Variants in PDE1B observed in about 807,000 individuals in gnomAD.
PDE1B encodes the protein phosphodiesterase 1B.
In PDE1B, 13 loss-of-function variants were observed where a neutral mutation model predicts 66.7. The observed-to-expected ratio is 0.19, with a 90% CI of 0.13 to 0.31. The LOEUF is 0.31. Ranked by LOEUF, PDE1B falls within the 10% of genes least tolerant of loss-of-function variation. The pLI is 1.00. For missense variants in PDE1B, 485 were observed against 682.3 expected (o/e 0.71, Z 3.22); for synonymous variants, 230 against 253.9 (o/e 0.91, Z 0.90).
chr12:54,567,067 C>G lies in PDE1B; in HGVS notation c.207C>G (p.Ala69=). 6.3e-7 allele frequency: 1 copy of G among 1,588,972 alleles called. No individual in the cohort carries two copies. Among genetic ancestry groups the G allele is most frequent in the Non-Finnish European group, 8.6e-7 (1 of 1,159,080 alleles). The change falls in exon 3 of 16, where the codon GCC becomes GCG. Residue 69 remains alanine, a synonymous_variant. Transcript: ENST00000243052. ...AGTACACAGCTTCTCTGCTGGAAGC[C>G]GTCTACATAGATGAGACACGGTGAG... is the stretch of plus-strand genomic sequence containing the variant. ...NLEYTASLLE[A]VYIDETRQIL...
At position 54,577,637 on chromosome 12, in the gene PDE1B, G is replaced by T. The variant is rs546836097; in HGVS notation, c.*18-223G>T. ...TAACCTGCACCGCACCTTAGGGAGGGTTAGGGAAAAGGAGCCCAGCCAGGG... is the reference window on the plus strand; with the variant it reads ...TAACCTGCACCGCACCTTAGGGAGGTTTAGGGAAAAGGAGCCCAGCCAGGG... On this transcript the variant is annotated intron_variant, in intron 15 of 15. Coordinates refer to ENST00000243052, the MANE Select transcript of PDE1B (RefSeq NM_000924.4). 4 of 1,364,784 alleles carry T rather than the reference G, an allele frequency of 2.9e-6. No individual in the cohort carries two copies. In the South Asian group the frequency reaches 4.9e-5, roughly 17 times the overall value. 84.5% of individuals were successfully genotyped at this position (1,364,784 alleles called of 1,614,324 possible).
At chr12:54,576,476 C>CTCCTGGTCTTCCATG (rs923673719) in intron 13 of PDE1B, 95 bp from the exon 14 acceptor site, 57 of 1,462,550 alleles carry the variant, frequency 3.9e-5, no homozygotes, top group Non-Finnish European at 5.2e-5. Context: ...CCTGAACCTT[C>CTCCTGGTCTTCCATG]TCCTGGTCTT....
At chr12:54,561,449 C>T in intron 2 of PDE1B, 2 of 1,277,192 alleles carry the variant, frequency 1.6e-6, no homozygotes, top group Non-Finnish European at 2.0e-6. Context: ...CCAAAGTTCT[C>T]TCTGGTCAGT....
At chr12:54,576,953 G>A (rs1480143250) in intron 14 of PDE1B, 5 of 605,976 alleles carry the variant, frequency 8.3e-6, no homozygotes, top group African/African-American at 3.7e-5. Context: ...GCACACTGTG[G>A]TCCCTGTAAA....
intron 2 of PDE1B, among the ~76,000 whole-genome samples, chr12:54,563,720 T>G (rs951921449): frequency 6.6e-6 from 1 of 152,210 alleles, no homozygotes; most frequent in Non-Finnish European, 1.5e-5. Flanking sequence ...ATTATATCAC[T>G]TAATCCTCTT....
intron 15 of PDE1B, 161 bp downstream of exon 15, chr12:54,577,506 C>G: frequency 1.3e-6 from 2 of 1,585,860 alleles, no homozygotes; most frequent in Non-Finnish European, 8.5e-7. Flanking sequence ...GTGGGTGGAG[C>G]AGGGAAATCC....
intron 2 of PDE1B, among the ~76,000 whole-genome samples, chr12:54,561,157 C>T (rs1018671078): frequency 6.6e-6 from 1 of 152,116 alleles, no homozygotes; most frequent in African/African-American, 2.4e-5. Flanking sequence ...CTTCCCCTCC[C>T]GCTACAGACC....
rs958030610 is a variant in PDE1B, at chr12:54,560,805, T to C, written c.114-6169T>C. Among the ~76,000 whole-genome samples the C allele has an allele frequency of 3.9e-5, 6 of 152,348 alleles. No individual in the cohort carries two copies. In the South Asian group the frequency reaches 1.0e-3, roughly 26 times the overall value. ...CCTCTCTCTGGTTAATTCATGGTTA[T>C]TCCCCAATTTCCATTTTACAAATGA... On this transcript the variant is annotated intron_variant, in intron 2 of 15. Coordinates refer to ENST00000243052, the MANE Select transcript of PDE1B (RefSeq NM_000924.4).
chr12:54,573,274 C>T lies in PDE1B; in HGVS notation c.836+26C>T, dbSNP rs767069330. 1 of 1,611,654 alleles carries T rather than the reference C, an allele frequency of 6.2e-7. No individual in the cohort carries two copies. The highest frequency in any genetic ancestry group is 8.5e-7 in the Non-Finnish European group (1 of 1,177,816). On this transcript the variant is annotated intron_variant, in intron 8 of 15. Transcript: ENST00000243052. The surrounding 1 kb of genome is among the most constrained non-coding windows in gnomAD (Gnocchi z 5.2). ...GTGAGGGGTGGGGATGTGGCAGGGG[C>T]AGGAGGGGCCAAGAGGAGGTGGGGA...
At chr12:54,551,949 T>C (rs1479630537) in intron 2 of PDE1B, among the ~76,000 whole-genome samples, 1 of 152,240 alleles carries the variant, frequency 6.6e-6, no homozygotes, top group Non-Finnish European at 1.5e-5. Context: ...TTAAGAATGC[T>C]AGCTTTGTAC....
chr12:54,556,142 G>A lies in PDE1B; in HGVS notation c.113+6157G>A, dbSNP rs575591312. Among the ~76,000 whole-genome samples, 59 of 152,286 alleles carry A rather than the reference G, an allele frequency of 3.9e-4. 1 individual carries two copies. The highest frequency in any genetic ancestry group is 1.2e-4 in the Non-Finnish European group (8 of 68,024). On this transcript the variant is annotated intron_variant, in intron 2 of 15. Transcript: ENST00000243052. ...CAAGGGGCTGATTTTTCTCAGGTAC[G>A]GAAGTTGAGTAGCTATTTTCCAACT...
intron 2 of PDE1B, among the ~76,000 whole-genome samples, chr12:54,564,579 C>T (rs1957479535): frequency 6.6e-6 from 1 of 152,052 alleles, no homozygotes; most frequent in African/African-American, 2.4e-5. Context: ...GGCAGTTGTG[C>T]CAATGCACTC....
intron 2 of PDE1B, among the ~76,000 whole-genome samples, chr12:54,551,892 T>C (rs573868242): frequency 1.1e-4 from 17 of 152,318 alleles, no homozygotes; most frequent in Admixed American, 2.0e-4. Context: ...TCCCTATTCT[T>C]ATTGATTAGA....
rs559620969 is a variant in PDE1B, at chr12:54,567,864, T to A, written c.227+777T>A. ...GATATTCATATATATATATATATAT[T>A]TTTTTGTTTTGAGACAGAGTTTACT... On this transcript the variant is annotated intron_variant, in intron 3 of 15. Coordinates refer to ENST00000243052, the MANE Select transcript of PDE1B (RefSeq NM_000924.4). 2.0e-3 allele frequency among the ~76,000 whole-genome samples: 298 copies of A among 151,338 alleles called. 3 individuals carry two copies. The highest frequency in any genetic ancestry group is 6.6e-3 in the African/African-American group (274 of 41,422).
rs12423459 is a variant in PDE1B at position 54,557,104 on chromosome 12, C to T, written c.113+7119C>T. ...TGGACTGAGTGAACACACAGGCCAA[C>T]GGAATTGCCAAACTTCCTAAACCAT... On this transcript the variant is annotated intron_variant, in intron 2 of 15. Transcript: ENST00000243052. Among the ~76,000 whole-genome samples, 168 of 152,026 alleles carry T rather than the reference C, an allele frequency of 1.1e-3. No individual in the cohort carries two copies. In the East Asian group the frequency reaches 0.014, roughly 12 times the overall value.
At position 54,576,582 on chromosome 12, in the gene PDE1B, G is replaced by A. The variant is rs148711763; in HGVS notation, c.1388G>A (p.Arg463His). Residue 463 changes from arginine to histidine, a missense_variant, in exon 14 of 16, where the codon CGC becomes CAC. Arg to His is a conservative substitution (Grantham distance 29). Around this residue, in one of 4 missense-constraint regions of PDE1B, gnomAD observed 126 missense variants for 133.8 expected, o/e 0.94. Coordinates refer to ENST00000243052, the MANE Select transcript of PDE1B (RefSeq NM_000924.4). ...GGTTCTGCTTCTAGCTTTCAGTGGC[G>A]CCAGCCCTCTCTGGATGTGGAAGTG... ...KSKNQPSFQW[R>H]QPSLDVEVGD... is the part of the protein sequence containing the mutation. The A allele has an allele frequency of 2.4e-5, 39 of 1,613,898 alleles. No homozygotes were observed. The African/African-American group carries it at 2.8e-4, about 12-fold the overall frequency.
chr12:54,577,009 A>G (rs550585387), intron 14 of PDE1B: 52 of 610,244 alleles, frequency 8.5e-5, no homozygotes, highest in African/African-American at 8.5e-4. Context: ...TGGCTGGGAA[A>G]TCTCTTCCTG....
chr12:54,565,048 T>C (rs1273701331), intron 2 of PDE1B, among the ~76,000 whole-genome samples: 1 of 152,208 alleles, frequency 6.6e-6, no homozygotes, highest in Non-Finnish European at 1.5e-5. Context: ...ACTGGCAGCA[T>C]TGTTAGCGAT....
At chr12:54,552,299 A>G (rs1164868304) in intron 2 of PDE1B, among the ~76,000 whole-genome samples, 5 of 152,220 alleles carry the variant, frequency 3.3e-5, no homozygotes, top group Non-Finnish European at 5.9e-5. Flanking sequence ...GTGGAAATAA[A>G]GATCCCCCTG....
Sources: gnomAD v4.1 joint callset for allele counts (sites outside exome capture counted in the v4.1 genomes callset) on GRCh38, gnomAD v4.1.1 for gene constraint, gnomAD v4.1.1 regional missense constraint, Gnocchi (gnomAD v3.1) non-coding constraint, MANE v1.5 for transcripts, NCBI Gene and HGNC (gene_info 2026-07-23, HGNC 2026-07-21) for gene names.